PDS5A: variants seen among roughly 807,000 people sequenced by gnomAD.
The protein encoded by PDS5A is sister chromatid cohesion protein PDS5 homolog A.
In PDS5A, 42 loss-of-function variants were observed where a neutral mutation model predicts 167.1. That is an observed-to-expected ratio of 0.25 (90% confidence interval 0.20 to 0.33). The LOEUF (loss-of-function observed/expected upper bound fraction) is 0.33. PDS5A is among the 10% of genes least tolerant of loss of function. PDS5A has a pLI of 1.00. For synonymous variants in PDS5A, 553 were observed against 554.6 expected, an observed-to-expected ratio of 1.00 and a Z score of 0.04; for missense variants, 1,033 against 1,605.9, an observed-to-expected ratio of 0.64 and a Z score of 6.10.
At chr4:39,966,256 GATAA>G (rs1729957487) in intron 2 of PDS5A, among the ~76,000 whole-genome samples, 1 of 152,128 alleles carries the variant, frequency 6.6e-6, no homozygotes, top group African/African-American at 2.4e-5. Context: ...AGCAATGAGG[GATAA>G]ATAAAAATCA....
intron 2 of PDS5A, among the ~76,000 whole-genome samples, chr4:39,949,821 G>GAAAAAAAAAAAAGAA (rs1728166372): frequency 1.5e-5 from 1 of 67,186 alleles, no homozygotes; most frequent in Non-Finnish European, 2.6e-5. Context: ...CTCTGTCTCA[G>GAAAAAAAAAAAAGAA]AAAAAAAAAA....
At chr4:39,965,063 T>C (rs922598678) in intron 2 of PDS5A, among the ~76,000 whole-genome samples, 43 of 152,210 alleles carry the variant, frequency 2.8e-4, no homozygotes, top group African/African-American at 1.0e-3. Context: ...CCTGCTTCTA[T>C]TGAGAGGTAA....
chr4:39,948,071 G>C (rs1028619073), intron 2 of PDS5A, among the ~76,000 whole-genome samples: 2 of 151,946 alleles, frequency 1.3e-5, no homozygotes, highest in East Asian at 3.9e-4. Context: ...GGCAACAACT[G>C]CAAGACCCCA....
chr4:39,912,308 A>G (rs1723963780), intron 9 of PDS5A, among the ~76,000 whole-genome samples: 1 of 152,232 alleles, frequency 6.6e-6, no homozygotes, highest in South Asian at 2.1e-4. Context: ...CATTTTTAAA[A>G]GTAACCAAAG....
At chr4:39,964,509 GC>G (rs1729790877) in intron 2 of PDS5A, among the ~76,000 whole-genome samples, 1 of 152,156 alleles carries the variant, frequency 6.6e-6, no homozygotes, top group Non-Finnish European at 1.5e-5. Context: ...TTCAAGACCA[GC>G]CTGATCAACG....
At chr4:39,870,871 A>G (rs1237145144) in intron 21 of PDS5A, among the ~76,000 whole-genome samples, 1 of 152,314 alleles carries the variant, frequency 6.6e-6, no homozygotes, top group Non-Finnish European at 1.5e-5. Context: ...AAATGTTTAT[A>G]TCAGCATTAT....
chr4:39,901,306 T>G (rs1012334240), intron 13 of PDS5A, among the ~76,000 whole-genome samples: 2 of 149,992 alleles, frequency 1.3e-5, no homozygotes, highest in African/African-American at 4.9e-5. Context: ...CTCACTCTGT[T>G]GCCCAGGCTG....
intron 16 of PDS5A, among the ~76,000 whole-genome samples, chr4:39,893,147 C>G (rs1293459381): frequency 5.3e-5 from 8 of 152,102 alleles, no homozygotes; most frequent in Admixed American, 2.6e-4. Flanking sequence ...ATTTGGGGAC[C>G]ACTCTCATGG....
At position 39,976,289 on chromosome 4, in the gene PDS5A, C is replaced by T. The variant is rs571689598; in HGVS notation, c.138+151G>A. 7.2e-5 allele frequency: 41 copies of T among 566,044 alleles called. No individual in the cohort carries two copies. The African/African-American group carries it at 7.5e-4, about 10-fold the overall frequency. The allele number at this position is 566,044 out of a possible 1,614,324, so 35.1% of individuals were successfully genotyped here. Reference sequence around the variant, plus strand: ...TGGTTATATCCCTACAAAACTCACTCAAAGATGTTATCTGAGATACAACAG... The same window carrying T: ...TGGTTATATCCCTACAAAACTCACTTAAAGATGTTATCTGAGATACAACAG... On this transcript the variant is annotated intron_variant, in intron 2 of 32. Coordinates refer to ENST00000303538, the MANE Select transcript of PDS5A (RefSeq NM_001100399.2).
chr4:39,972,499 G>A (rs906956147), intron 2 of PDS5A, among the ~76,000 whole-genome samples: 2 of 152,058 alleles, frequency 1.3e-5, no homozygotes, highest in Admixed American at 6.6e-5. Flanking sequence ...CAGCCTGGGC[G>A]ACAGGGCGAG....
intron 2 of PDS5A, among the ~76,000 whole-genome samples, chr4:39,955,615 A>G (rs1728851897): frequency 2.0e-5 from 3 of 151,884 alleles, no homozygotes; most frequent in African/African-American, 4.8e-5. Context: ...AAACAACAAC[A>G]AAACAAACAA....
At chr4:39,889,132 T>C (rs962612850) in intron 17 of PDS5A, among the ~76,000 whole-genome samples, 1 of 152,060 alleles carries the variant, frequency 6.6e-6, no homozygotes. Context: ...CAAGGTAAAA[T>C]AAGATTGAAT....
In PDS5A at chr4:39,928,390, T is replaced by C. The variant is rs192403672; in HGVS notation, c.139-226A>G. ...AACAAGTATCACCTTCTCAGGCACA[T>C]TGTCTGCACTAGTACCTCATTTATG... On this transcript the variant is annotated intron_variant, in intron 2 of 32. Transcript: ENST00000303538. Among the ~76,000 whole-genome samples the C allele has an allele frequency of 4.6e-5, 7 of 152,286 alleles. No individual in the cohort carries two copies. In the East Asian group the frequency reaches 5.8e-4, roughly 13 times the overall value.
At position 39,863,357 on chromosome 4, in the gene PDS5A, C is replaced by G; in HGVS notation, c.2745G>C (p.Gln915His). The G allele has an allele frequency of 6.2e-7, 1 of 1,606,560 alleles. No individual in the cohort carries two copies. Among genetic ancestry groups the G allele is most frequent in the Non-Finnish European group, 8.5e-7 (1 of 1,176,400 alleles). The change falls in exon 24 of 33, where the codon CAG becomes CAC. Residue 915 changes from glutamine to histidine, a missense_variant. Physicochemically the swap from Gln to His is conservative, Grantham distance 24. Around this residue, in one of 4 missense-constraint regions of PDS5A, gnomAD observed 367 missense variants for 686.7 expected, o/e 0.53. Transcript: ENST00000303538. ...TTACATTAATAACAAGTGCACAGAGCTGAAACTGTTCTGGGGTAATAATTT... is the reference window on the plus strand; with the variant it reads ...TTACATTAATAACAAGTGCACAGAGGTGAAACTGTTCTGGGGTAATAATTT... Reference protein sequence around the residue: ...YHEIITPEQFQLCALVINDEC... With the variant: ...YHEIITPEQFHLCALVINDEC...
At chr4:39,939,264 CCAACCTGGG>C (rs1348333800) in intron 2 of PDS5A, among the ~76,000 whole-genome samples, 1 of 151,880 alleles carries the variant, frequency 6.6e-6, no homozygotes, top group Non-Finnish European at 1.5e-5. Flanking sequence ...GTGTTGGAGA[CCAACCTGGG>C]CAACATAACA....
intron 9 of PDS5A, among the ~76,000 whole-genome samples, chr4:39,912,925 A>G (rs1454414336): frequency 6.6e-6 from 1 of 152,180 alleles, no homozygotes; most frequent in Admixed American, 6.5e-5. Context: ...ATGTGTTCAG[A>G]TAAGTTACAG....
intron 16 of PDS5A, among the ~76,000 whole-genome samples, chr4:39,897,776 G>A (rs1244567516): frequency 1.3e-5 from 2 of 151,562 alleles, no homozygotes; most frequent in Admixed American, 6.6e-5. Flanking sequence ...TGGGGTATAG[G>A]ATCACATGAG....
intron 12 of PDS5A, among the ~76,000 whole-genome samples, chr4:39,903,795 T>C (rs6531748): frequency 0.95 from 145,369 of 152,250 alleles, 69,422 homozygotes; most frequent in East Asian, 0.99. Flanking sequence ...ACTCCAAAGT[T>C]CATGCCTATT....
At chr4:39,953,481 A>G (rs1728613759) in intron 2 of PDS5A, among the ~76,000 whole-genome samples, 1 of 149,774 alleles carries the variant, frequency 6.7e-6, no homozygotes, top group African/African-American at 2.5e-5. Context: ...CTGTAATCCC[A>G]GCACTTTGGG....
Sources: allele counts gnomAD v4.1 joint callset (sites outside exome capture counted in the v4.1 genomes callset), GRCh38; gene constraint gnomAD v4.1.1; regional missense constraint gnomAD v4.1.1; transcripts MANE v1.5; gene names NCBI Gene and HGNC (gene_info 2026-07-23, HGNC 2026-07-21).